The following KAZN variants were observed in gnomAD, a reference collection of about 807,000 sequenced individuals.
KAZN encodes kazrin, periplakin interacting protein.
KAZN carries 40 observed loss-of-function variants against 87.4 expected under a neutral mutation model. The observed-to-expected ratio is 0.46, with a 90% confidence interval of 0.36 to 0.60. The LOEUF (loss-of-function observed/expected upper bound fraction) is 0.60. Among genes scored for constraint, KAZN ranks in the 20% least tolerant of loss-of-function variants. KAZN has a pLI of 0.00. For synonymous variants in KAZN, 466 were observed against 458.3 expected, an observed-to-expected ratio of 1.02 and a Z score of -0.22; for missense variants, 898 against 1,073.9, an observed-to-expected ratio of 0.84 and a Z score of 2.29.
In KAZN at chr1:15,094,465, C is replaced by T. The variant is rs545207964; in HGVS notation, c.1428+80C>T. 3 of 1,317,000 alleles carry T rather than the reference C, an allele frequency of 2.3e-6. No individual in the cohort carries two copies. The highest frequency in any genetic ancestry group is 3.2e-6 in the Non-Finnish European group (3 of 948,166). 81.6% of individuals were successfully genotyped at this position (1,317,000 alleles called of 1,614,324 possible). ...CGTACCCAGAAGCTGGCCTGCCCCC[C>T]ACTCCTACCCTGGAGTCAGGAGAAG... is the stretch of plus-strand genomic sequence containing the variant. On this transcript the variant is annotated intron_variant, in intron 9 of 14. Transcript: ENST00000376030. The surrounding 1 kb of genome is among the most constrained non-coding windows in gnomAD (Gnocchi z 4.5).
At chr1:15,061,701 G>A (rs41269409) in intron 6 of KAZN, 19,180 of 152,082 alleles carry the variant, frequency 0.13, 1,861 homozygotes, top group East Asian at 0.59. Context: ...TGTATTTTTA[G>A]TAGAGATGAG....
intron 1 of KAZN, among the ~76,000 whole-genome samples, chr1:14,825,251 C>T (rs992546276): frequency 1.3e-5 from 2 of 152,238 alleles, no homozygotes; most frequent in African/African-American, 4.8e-5. Context: ...CTCAGAGATC[C>T]TATGACTCCT....
chr1:14,447,528 C>T (rs1021567935), intron 2 of KAZN, among the ~76,000 whole-genome samples: 3 of 152,034 alleles, frequency 2.0e-5, no homozygotes, highest in South Asian at 2.1e-4. Context: ...CATGAGCCAC[C>T]GCGCCCAGCC....
intron 1 of KAZN, among the ~76,000 whole-genome samples, chr1:13,928,600 C>T (rs531310894): frequency 1.3e-5 from 2 of 152,200 alleles, no homozygotes; most frequent in African/African-American, 2.4e-5. Flanking sequence ...GTTGCCTGTA[C>T]AATGTGTGAT....
At chr1:14,080,798 C>T (rs1643645531) in intron 1 of KAZN, among the ~76,000 whole-genome samples, 1 of 152,144 alleles carries the variant, frequency 6.6e-6, no homozygotes, top group African/African-American at 2.4e-5. Flanking sequence ...GTTTTGACAA[C>T]CCCAGGTAAT....
At chr1:14,972,118 G>A (rs781157956) in intron 2 of KAZN, among the ~76,000 whole-genome samples, 2 of 152,198 alleles carry the variant, frequency 1.3e-5, no homozygotes, top group African/African-American at 2.4e-5. Context: ...CTCGGTGTGC[G>A]TCAAGCCAGG....
At chr1:14,799,352 G>A (rs2100729189) in intron 1 of KAZN, among the ~76,000 whole-genome samples, 1 of 152,316 alleles carries the variant, frequency 6.6e-6, no homozygotes, top group South Asian at 2.1e-4. Flanking sequence ...TCTTCATCCA[G>A]AAAGGCTTCA....
chr1:14,713,797 A>AAAAAAAAAAAGAAAGAAAG (rs1553215138), intron 1 of KAZN, among the ~76,000 whole-genome samples: 1 of 95,648 alleles, frequency 1.0e-5, no homozygotes, highest in African/African-American at 4.2e-5. Flanking sequence ...AAAAAAAAAA[A>AAAAAAAAAAAGAAAGAAAG]AAAGAAAGAA....
intron 2 of KAZN, among the ~76,000 whole-genome samples, chr1:14,295,351 C>A (rs535718636): frequency 6.6e-6 from 1 of 152,198 alleles, no homozygotes; most frequent in Non-Finnish European, 1.5e-5. Context: ...TTCTGCCTCT[C>A]CTTCCCATGA....
In KAZN at chr1:14,007,129, A is replaced by G. The variant is rs138086786; in HGVS notation, c.91+113373A>G. The stretch of plus-strand genomic sequence containing the variant: ...TATTGTTTTCTTGATTTGTTTTTTT[A>G]GATAAGTCTTGATTGGTGTAAATAA... On this transcript the variant is annotated intron_variant, in intron 1 of 16. Transcript: ENST00000636203. Among the ~76,000 whole-genome samples the G allele has an allele frequency of 1.7e-4, 26 of 152,108 alleles. No homozygotes were observed. The East Asian group carries it at 4.8e-3, about 28-fold the overall frequency.
intron 1 of KAZN, among the ~76,000 whole-genome samples, chr1:14,133,068 A>G (rs759302981): frequency 2.6e-5 from 4 of 152,056 alleles, no homozygotes; most frequent in Non-Finnish European, 5.9e-5. Flanking sequence ...CATTCTGGTG[A>G]TTTGAAAATG....
intron 1 of KAZN, among the ~76,000 whole-genome samples, chr1:14,710,576 C>CT (rs1185344392): frequency 6.6e-6 from 1 of 152,170 alleles, no homozygotes; most frequent in African/African-American, 2.4e-5. Context: ...ACCTCAGGGC[C>CT]TTTGCACTAG....
chr1:14,458,136 C>G (rs1416585979), intron 2 of KAZN, among the ~76,000 whole-genome samples: 1 of 152,032 alleles, frequency 6.6e-6, no homozygotes, highest in Non-Finnish European at 1.5e-5. Context: ...ATAGTATATT[C>G]TTAAACAAAT....
chr1:14,902,227 AT>A (rs550847895), intron 1 of KAZN, among the ~76,000 whole-genome samples: 3,221 of 144,746 alleles, frequency 0.022, 96 homozygotes, highest in African/African-American at 0.069. Context: ...GAGAACTGCA[AT>A]TTTTTTTTTT....
chr1:13,936,067 T>G (rs1022724765), intron 1 of KAZN, among the ~76,000 whole-genome samples: 37 of 150,404 alleles, frequency 2.5e-4, no homozygotes, highest in Non-Finnish European at 4.4e-4. Context: ...TAAATTTTTA[T>G]TTTTATAGAT....
chr1:14,666,533 G>A (rs1639560473), intron 1 of KAZN, among the ~76,000 whole-genome samples: 1 of 152,184 alleles, frequency 6.6e-6, no homozygotes, highest in African/African-American at 2.4e-5. Context: ...TAAGGCAGCA[G>A]AACGTTACTG....
At chr1:14,474,478 A>G (rs987963367) in intron 2 of KAZN, among the ~76,000 whole-genome samples, 17 of 152,130 alleles carry the variant, frequency 1.1e-4, no homozygotes, top group African/African-American at 4.1e-4. Context: ...CAGTTGAAAC[A>G]CTCCTGAAAT....
intron 2 of KAZN, among the ~76,000 whole-genome samples, chr1:14,334,408 G>A (rs1276480190): frequency 4.7e-5 from 7 of 148,588 alleles, no homozygotes; most frequent in Admixed American, 4.0e-4. Flanking sequence ...GGAAGGCAGT[G>A]GTGGTCAGGC....
intron 1 of KAZN, among the ~76,000 whole-genome samples, chr1:14,153,709 C>T (rs553029209): frequency 4.1e-5 from 6 of 144,910 alleles, no homozygotes; most frequent in South Asian, 2.2e-4. Context: ...ACCTGGGAGG[C>T]GGAGGTTGCA....
Sources: gnomAD v4.1 joint callset for allele counts (sites outside exome capture counted in the v4.1 genomes callset) on GRCh38, gnomAD v4.1.1 for gene constraint, Gnocchi (gnomAD v3.1) non-coding constraint, MANE v1.5 for transcripts, NCBI Gene and HGNC (gene_info 2026-07-23, HGNC 2026-07-21) for gene names.